The following ST6GALNAC5 variants were observed in gnomAD, a reference collection of about 807,000 sequenced individuals.
ST6GALNAC5 encodes alpha-N-acetylgalactosaminide alpha-2,6-sialyltransferase 5.
ST6GALNAC5 carries 27 observed loss-of-function variants against 33.6 expected under a neutral mutation model. The observed-to-expected ratio is 0.80, with a 90% CI of 0.59 to 1.11. The LOEUF is 1.11. Among genes scored for constraint, ST6GALNAC5 ranks in the 50% least tolerant of loss-of-function variants. ST6GALNAC5 has a pLI of 0.00. For missense variants in ST6GALNAC5, 428 were observed against 454.0 expected (o/e 0.94, Z 0.52); for synonymous variants, 194 against 171.2 (o/e 1.13, Z -1.04).
At chr1:76,990,057 A>G (rs1649664496) in intron 2 of ST6GALNAC5, among the ~76,000 whole-genome samples, 1 of 152,140 alleles carries the variant, frequency 6.6e-6, no homozygotes, top group Non-Finnish European at 1.5e-5. Context: ...AAGTATTTAA[A>G]CTCTCTCCTG....
intron 2 of ST6GALNAC5, among the ~76,000 whole-genome samples, chr1:76,999,891 T>C (rs1467953382): frequency 7.6e-6 from 1 of 130,770 alleles, no homozygotes; most frequent in Non-Finnish European, 1.8e-5. Flanking sequence ...AGTCTATCAT[T>C]GTTGGACATT....
rs1367786044 is a variant in ST6GALNAC5 at position 77,064,314 on chromosome 1, T to G, written c.*1108T>G. 1 of 152,124 alleles carries G rather than the reference T, an allele frequency of 6.6e-6. No individual in the cohort carries two copies. Among genetic ancestry groups the G allele is most frequent in the African/African-American group, 2.4e-5 (1 of 41,430 alleles). 9.4% of individuals were successfully genotyped at this position (152,124 alleles called of 1,614,324 possible). A position where few individuals can be genotyped will look rare whatever the true frequency, so the allele number is the denominator to read the frequency against. ...CTTATATCACTCTTGTGGTTAAAACTACACTTCTTCCTGTGTCCACATGGG... is the reference window on the plus strand; with the variant it reads ...CTTATATCACTCTTGTGGTTAAAACGACACTTCTTCCTGTGTCCACATGGG... On this transcript the variant is annotated 3_prime_UTR_variant, in exon 5 of 5. Transcript: ENST00000477717.
rs779329661 is a variant in ST6GALNAC5 at position 77,050,260 on chromosome 1, A to G, written c.674A>G (p.Lys225Arg). ...LFKQETGKDR[K>R]ISNTWLSTGW... ...GACTTAATTATTGTTCCTTCCAGGAAGATATCCAACACTTGGCTCAGCACT... is the reference window on the plus strand; with the variant it reads ...GACTTAATTATTGTTCCTTCCAGGAGGATATCCAACACTTGGCTCAGCACT... Residue 225 changes from lysine to arginine, a missense_variant and splice_region_variant, in exon 4 of 5, where the codon AAG becomes AGG. Physicochemically the swap from Lys to Arg is conservative, Grantham distance 26 (BLOSUM62 2). Transcript: ENST00000477717. 1.9e-5 allele frequency: 31 copies of G among 1,613,458 alleles called. No individual in the cohort carries two copies. The highest frequency in any genetic ancestry group is 2.6e-5 in the Non-Finnish European group (31 of 1,179,512).
rs903742551 is a variant in ST6GALNAC5, at chr1:76,909,241, T to C, written c.261+40499T>C. Among the ~76,000 whole-genome samples, 2 of 152,230 alleles carry C rather than the reference T, an allele frequency of 1.3e-5. 1 individual carries two copies. The highest frequency in any genetic ancestry group is 2.9e-5 in the Non-Finnish European group (2 of 68,002). On this transcript the variant is annotated intron_variant, in intron 2 of 4. Transcript: ENST00000477717. ...TATCTAGTGCAGTGTTGGAAGTCAG[T>C]AAATGTTTATATAAATGCTTAAGAT...
intron 2 of ST6GALNAC5, among the ~76,000 whole-genome samples, chr1:76,934,400 G>A (rs528762914): frequency 3.9e-5 from 6 of 152,168 alleles, no homozygotes; most frequent in African/African-American, 1.4e-4. Context: ...AACTGTGACA[G>A]CTCTCTCCTA....
chr1:76,999,382 A>G (rs1650056966), intron 2 of ST6GALNAC5, among the ~76,000 whole-genome samples: 2 of 152,076 alleles, frequency 1.3e-5, no homozygotes, highest in African/African-American at 4.8e-5. Context: ...ATGTGCTAAA[A>G]CAATTTGGGA....
Position 76,868,794 on chromosome 1 carries a change from A to G in ST6GALNAC5, c.261+52A>G, listed in dbSNP as rs1237001063. 2.1e-6 allele frequency: 3 copies of G among 1,442,106 alleles called. No homozygotes were observed. The South Asian group carries it at 4.4e-5, about 21-fold the overall frequency. 89.3% of individuals were successfully genotyped at this position (1,442,106 alleles called of 1,614,324 possible). A position where few individuals can be genotyped will look rare whatever the true frequency, so the allele number is the denominator to read the frequency against. ...GCCACTCAGCCTGGGGATCCCGCACACCTGAGCCTTCCCCCTTTCCCGGGG... is the reference window on the plus strand; with the variant it reads ...GCCACTCAGCCTGGGGATCCCGCACGCCTGAGCCTTCCCCCTTTCCCGGGG... On this transcript the variant is annotated intron_variant, in intron 2 of 4. Transcript: ENST00000477717. The surrounding 1 kb of genome is among the most constrained non-coding windows in gnomAD (Gnocchi z 4.3).
At position 77,067,454 on chromosome 1, in the gene ST6GALNAC5, C is replaced by T. The variant is rs1023468411; in HGVS notation, c.*4248C>T. On this transcript the variant is annotated 3_prime_UTR_variant, in exon 5 of 5. Transcript: ENST00000477717. ...TGTAAGCTCCTTGAGGGCAGAGACT[C>T]TTTCTCCTTTGTCTCTGCAGCCTAT... Among the ~76,000 whole-genome samples the T allele has an allele frequency of 6.6e-6, 1 of 152,202 alleles. No individual in the cohort carries two copies.
chr1:76,881,226 G>T (rs756578842), intron 2 of ST6GALNAC5, among the ~76,000 whole-genome samples: 9 of 152,140 alleles, frequency 5.9e-5, no homozygotes, highest in African/African-American at 2.2e-4. Flanking sequence ...AAAACTTTTG[G>T]GGGGAGGTAT....
intron 2 of ST6GALNAC5, among the ~76,000 whole-genome samples, chr1:77,011,748 C>G (rs1210836548): frequency 6.6e-6 from 1 of 151,478 alleles, no homozygotes; most frequent in Non-Finnish European, 1.5e-5. Flanking sequence ...CATATAAGTA[C>G]TTATATACAA....
At chr1:76,937,666 G>C (rs1647224280) in intron 2 of ST6GALNAC5, among the ~76,000 whole-genome samples, 1 of 152,152 alleles carries the variant, frequency 6.6e-6, no homozygotes, top group South Asian at 2.1e-4. Context: ...AAGATGTTAG[G>C]ACCGTGAGAA....
intron 2 of ST6GALNAC5, among the ~76,000 whole-genome samples, chr1:76,937,865 A>G (rs1454060493): frequency 1.3e-5 from 2 of 152,086 alleles, no homozygotes; most frequent in Non-Finnish European, 2.9e-5. Flanking sequence ...CTAGGGTATC[A>G]ATATCTATTT....
chr1:76,868,653 C>G lies in ST6GALNAC5; in HGVS notation c.172C>G (p.Pro58Ala). 1 of 1,597,964 alleles carries G rather than the reference C, an allele frequency of 6.3e-7. No homozygotes were observed. Among genetic ancestry groups the G allele is most frequent in the East Asian group, 2.3e-5 (1 of 44,000 alleles). The change falls in exon 2 of 5, where the codon CCG becomes GCG. Residue 58 changes from proline to alanine, a missense_variant. Transcript: ENST00000477717. This position sits in a 1 kb window ranked among gnomAD's most constrained non-coding sequence, Gnocchi z 4.3. Reference sequence around the variant, plus strand: ...GGCGTCGGCCACCGGCAGCTCGCAGCCGGCGGCGGAGAGCAGCACCCAGCA... The same window carrying G: ...GGCGTCGGCCACCGGCAGCTCGCAGGCGGCGGCGGAGAGCAGCACCCAGCA... Reference protein sequence around the residue: ...QQASATGSSQPAAESSTQQRP... With the variant: ...QQASATGSSQAAAESSTQQRP...
intron 2 of ST6GALNAC5, among the ~76,000 whole-genome samples, chr1:76,963,566 C>T (rs886613967): frequency 2.0e-5 from 3 of 152,310 alleles, no homozygotes; most frequent in Middle Eastern, 3.4e-3. Context: ...AGGTGACCAT[C>T]ATATACAGAA....
At chr1:77,040,325 C>T (rs1166111886) in intron 2 of ST6GALNAC5, among the ~76,000 whole-genome samples, 5 of 152,236 alleles carry the variant, frequency 3.3e-5, no homozygotes, top group Non-Finnish European at 7.3e-5. Flanking sequence ...ATACTTCAGA[C>T]TTCGATCTTT....
At chr1:76,953,092 G>A (rs1647817521) in intron 2 of ST6GALNAC5, among the ~76,000 whole-genome samples, 3 of 152,220 alleles carry the variant, frequency 2.0e-5, no homozygotes, top group Admixed American at 2.0e-4. Context: ...CCCATTGATA[G>A]ACATGTGGGT....
intron 2 of ST6GALNAC5, among the ~76,000 whole-genome samples, chr1:77,031,367 C>T (rs1224804707): frequency 2.0e-5 from 3 of 152,138 alleles, no homozygotes; most frequent in Non-Finnish European, 1.5e-5. Flanking sequence ...AGCTGATGAC[C>T]GTTCTTCCAC....
chr1:76,946,777 G>C (rs1307112993), intron 2 of ST6GALNAC5, among the ~76,000 whole-genome samples: 1 of 152,120 alleles, frequency 6.6e-6, no homozygotes, highest in East Asian at 1.9e-4. Flanking sequence ...GATGCATTCT[G>C]TGAATATAAG....
At chr1:76,977,284 T>C (rs1649049561) in intron 2 of ST6GALNAC5, among the ~76,000 whole-genome samples, 1 of 152,218 alleles carries the variant, frequency 6.6e-6, no homozygotes, top group South Asian at 2.1e-4. Flanking sequence ...TTACCGTATT[T>C]GTTACTTTAA....
Sources: allele counts gnomAD v4.1 joint callset (sites outside exome capture counted in the v4.1 genomes callset), GRCh38; gene constraint gnomAD v4.1.1; non-coding constraint Gnocchi (gnomAD v3.1); transcripts MANE v1.5; gene names NCBI Gene and HGNC (gene_info 2026-07-23, HGNC 2026-07-21).